The following ZC3HAV1 variants were observed in gnomAD, a reference collection of about 807,000 sequenced individuals.
ZC3HAV1 encodes zinc finger CCCH-type antiviral protein 1.
Under a neutral mutation model 86.6 loss-of-function variants are expected in ZC3HAV1, and 41 were observed. That is an observed-to-expected ratio of 0.47 (90% CI 0.37 to 0.61). ZC3HAV1 has a LOEUF of 0.61. Among genes scored for constraint, ZC3HAV1 ranks in the 20% least tolerant of loss-of-function variants. The pLI, the probability that ZC3HAV1 is intolerant of heterozygous loss-of-function variation, is 0.00. For missense variants in ZC3HAV1, 964 were observed against 1,141.1 expected (o/e 0.84, Z 2.24); for synonymous variants, 421 against 432.1 (o/e 0.97, Z 0.32).
At chr7:139,106,165 T>C (rs762888236) in intron 1 of ZC3HAV1, among the ~76,000 whole-genome samples, 1 of 152,088 alleles carries the variant, frequency 6.6e-6, no homozygotes, top group Non-Finnish European at 1.5e-5. Flanking sequence ...AAAGTGGAGG[T>C]TAACAACCCA....
intron 8 of ZC3HAV1, among the ~76,000 whole-genome samples, 170 bp from the exon 9 acceptor site, chr7:139,061,308 T>C (rs141004321): frequency 6.6e-6 from 1 of 152,214 alleles, no homozygotes; most frequent in Non-Finnish European, 1.5e-5. Flanking sequence ...AAAAGACTTG[T>C]ATCCTTCACT....
chr7:139,052,682 G>C (rs1816168215), intron 12 of ZC3HAV1, among the ~76,000 whole-genome samples: 1 of 151,692 alleles, frequency 6.6e-6, no homozygotes, highest in Admixed American at 6.6e-5. Flanking sequence ...CAGCACTTTG[G>C]CAGGCCAAGG....
chr7:139,058,435 C>A (rs1033768135), intron 9 of ZC3HAV1, among the ~76,000 whole-genome samples: 1 of 64,110 alleles, frequency 1.6e-5, no homozygotes, highest in Admixed American at 1.6e-4. Flanking sequence ...GCAACCTAAC[C>A]CCCAACCCCC....
At position 139,084,018 on chromosome 7, in the gene ZC3HAV1, A is replaced by AT; in HGVS notation, c.458dup (p.Tyr153Ter). 6.2e-7 allele frequency: 1 copy of AT among 1,614,000 alleles called. No homozygotes were observed. The highest frequency in any genetic ancestry group is 8.5e-7 in the Non-Finnish European group (1 of 1,179,926). ...PFFMPEICKS[Y>*]KGEGRQQICN... ...AAATCTGCTGCCGACCCTCTCCCTT[A>AT]TAACTTTTGCATATCTACAGAAGGG... is the stretch of plus-strand genomic sequence containing the variant. The change falls in exon 3 of 13, where the codon TAT (tyrosine) becomes TAAT (stop). Residue 153 changes from tyrosine to a stop codon, truncating the protein, a stop_gained and frameshift_variant. Coordinates refer to ENST00000242351, the MANE Select transcript of ZC3HAV1 (RefSeq NM_020119.4). LOFTEE classifies it high-confidence loss of function.
intron 1 of ZC3HAV1, among the ~76,000 whole-genome samples, chr7:139,103,859 A>G (rs1817849123): frequency 6.6e-6 from 1 of 152,238 alleles, no homozygotes; most frequent in African/African-American, 2.4e-5. Context: ...AAAACACAGC[A>G]TTGAATAAAA....
At chr7:139,099,355 T>G (rs1273207241) in intron 1 of ZC3HAV1, among the ~76,000 whole-genome samples, 1 of 152,174 alleles carries the variant, frequency 6.6e-6, no homozygotes, top group Non-Finnish European at 1.5e-5. Flanking sequence ...GGAAGATTTC[T>G]CCTAGATGAA....
At chr7:139,074,345 C>T (rs918552390) in intron 6 of ZC3HAV1, among the ~76,000 whole-genome samples, 2 of 152,110 alleles carry the variant, frequency 1.3e-5, no homozygotes, top group Non-Finnish European at 2.9e-5. Flanking sequence ...CGCATTTGGT[C>T]CATTTTTAAA....
intron 7 of ZC3HAV1, among the ~76,000 whole-genome samples, chr7:139,072,592 C>A (rs1395218669): frequency 1.3e-5 from 2 of 152,126 alleles, no homozygotes; most frequent in Admixed American, 6.5e-5. Flanking sequence ...TCTCTTTAAT[C>A]CTATGAGTTA....
chr7:139,070,663 CAAA>C (rs765065216), intron 7 of ZC3HAV1, among the ~76,000 whole-genome samples: 3 of 54,452 alleles, frequency 5.5e-5, no homozygotes, highest in South Asian at 1.4e-3. Flanking sequence ...GACTCCGTCT[CAAA>C]AAAAAAAAAA....
At chr7:139,088,528 T>C (rs2130717838) in intron 2 of ZC3HAV1, among the ~76,000 whole-genome samples, 1 of 152,318 alleles carries the variant, frequency 6.6e-6, no homozygotes, top group Non-Finnish European at 1.5e-5. Flanking sequence ...AGACTCATTG[T>C]ACACAGAGAC....
Position 139,109,472 on chromosome 7 carries a change from C to G in ZC3HAV1, c.-141G>C. 2 of 1,077,398 alleles carry G rather than the reference C, an allele frequency of 1.9e-6. No homozygotes were observed. The highest frequency in any genetic ancestry group is 2.6e-6 in the Non-Finnish European group (2 of 778,704). The allele number at this position is 1,077,398 out of a possible 1,614,324, so 66.7% of individuals were successfully genotyped here. On this transcript the variant is annotated 5_prime_UTR_variant, in exon 1 of 13. Coordinates refer to ENST00000242351, the MANE Select transcript of ZC3HAV1 (RefSeq NM_020119.4). ...CCGGAGTCAGCGAGGGCGCGCTCTC[C>G]GTCGCCGTTAGCCCAGCCCAGCGAT...
chr7:139,071,915 C>T lies in ZC3HAV1; in HGVS notation c.1872+1941G>A, dbSNP rs148789483. 3.1e-3 allele frequency among the ~76,000 whole-genome samples: 470 copies of T among 152,344 alleles called. 3 individuals carry two copies. Among genetic ancestry groups the T allele is most frequent in the African/African-American group, 0.011 (458 of 41,570 alleles). ...TAGGGCTGTTTGTGGTTGAGGACCT[C>T]ACCACAGCACACAGGGTTCCCGCCA... On this transcript the variant is annotated intron_variant, in intron 7 of 12. Transcript: ENST00000242351.
chr7:139,094,473 G>A (rs1563139497), intron 1 of ZC3HAV1, among the ~76,000 whole-genome samples: 2 of 147,488 alleles, frequency 1.4e-5, no homozygotes, highest in South Asian at 2.2e-4. Context: ...CAAAGAGGGC[G>A]AGTTGCAGTA....
chr7:139,057,634 G>T, intron 9 of ZC3HAV1, among the ~76,000 whole-genome samples: 1 of 80,240 alleles, frequency 1.2e-5, no homozygotes, highest in Non-Finnish European at 2.4e-5. Context: ...CGCCTCCCGG[G>T]TTCACGCCAT....
chr7:139,076,725 C>T (rs1419943696), intron 5 of ZC3HAV1, among the ~76,000 whole-genome samples: 1 of 151,990 alleles, frequency 6.6e-6, no homozygotes, highest in Non-Finnish European at 1.5e-5. Context: ...AATCCTGTCT[C>T]TACTAAAAAT....
intron 7 of ZC3HAV1, among the ~76,000 whole-genome samples, chr7:139,071,424 G>A (rs1816770482): frequency 5.3e-5 from 8 of 152,236 alleles, no homozygotes; most frequent in Admixed American, 5.2e-4. Flanking sequence ...GATGTAACTA[G>A]AATGCAAATG....
At chr7:139,063,723 C>CA (rs57944873) in intron 8 of ZC3HAV1, among the ~76,000 whole-genome samples, 2,658 of 73,350 alleles carry the variant, frequency 0.036, 101 homozygotes, top group African/African-American at 0.1. Context: ...GACCCTGTCT[C>CA]AAAAAAAAAA....
chr7:139,094,446 A>G (rs981589918), intron 1 of ZC3HAV1, among the ~76,000 whole-genome samples: 3 of 151,404 alleles, frequency 2.0e-5, no homozygotes, highest in African/African-American at 7.3e-5. Context: ...CCACACTTGG[A>G]GCAGATAAAC....
intron 1 of ZC3HAV1, among the ~76,000 whole-genome samples, chr7:139,098,844 C>CT (rs1817677357): frequency 6.6e-6 from 1 of 152,134 alleles, no homozygotes; most frequent in South Asian, 2.1e-4. Flanking sequence ...CCTTTTACCC[C>CT]TTTTTCACCT....
Sources: gnomAD v4.1 joint callset for allele counts (sites outside exome capture counted in the v4.1 genomes callset) on GRCh38, gnomAD v4.1.1 for gene constraint, MANE v1.5 for transcripts, NCBI Gene and HGNC (gene_info 2026-07-23, HGNC 2026-07-21) for gene names.